The following MAP4K3 variants were observed in gnomAD, a reference collection of about 807,000 sequenced individuals.
The protein encoded by MAP4K3 is MAPK/ERK kinase kinase kinase 3.
MAP4K3 carries 94 observed loss-of-function variants against 143.5 expected under a neutral mutation model. That is an observed-to-expected ratio of 0.65 (90% CI 0.55 to 0.78). The LOEUF is 0.78. Among genes scored for constraint, MAP4K3 ranks in the 30% least tolerant of loss-of-function variants. The pLI, the probability that MAP4K3 is intolerant of heterozygous loss-of-function variation, is 0.00. For missense variants in MAP4K3, 1,077 were observed against 1,068.1 expected (o/e 1.01, Z -0.12); for synonymous variants, 416 against 347.2 (o/e 1.20, Z -2.20).
intron 1 of MAP4K3, among the ~76,000 whole-genome samples, chr2:39,378,697 C>G (rs1666284389): frequency 1.3e-5 from 2 of 152,178 alleles, no homozygotes; most frequent in East Asian, 3.9e-4. Context: ...AACAGGCCCC[C>G]TGCATCCTTT....
chr2:39,297,793 G>A (rs1682344174), intron 16 of MAP4K3, among the ~76,000 whole-genome samples: 2 of 152,140 alleles, frequency 1.3e-5, no homozygotes, highest in Non-Finnish European at 2.9e-5. Context: ...CAGCCAAAGA[G>A]CAAACTTTTG....
chr2:39,315,458 C>A, intron 12 of MAP4K3, 70 bp from the exon 13 acceptor site: 5 of 1,013,776 alleles, frequency 4.9e-6, no homozygotes, highest in South Asian at 3.1e-5. Context: ...ACAAAATTAC[C>A]CAAATAGGAA....
intron 2 of MAP4K3, among the ~76,000 whole-genome samples, chr2:39,360,533 C>G (rs1171031458): frequency 6.6e-6 from 1 of 152,190 alleles, no homozygotes; most frequent in Non-Finnish European, 1.5e-5. Context: ...GGTATCTTTA[C>G]AGCAGCACCC....
intron 4 of MAP4K3, among the ~76,000 whole-genome samples, chr2:39,338,087 A>C (rs1665026194): frequency 1.3e-5 from 2 of 151,952 alleles, no homozygotes; most frequent in Admixed American, 6.6e-5. Flanking sequence ...TAAAAATCTG[A>C]TTTGCTCATT....
At chr2:39,386,133 C>A (rs1474322196) in intron 1 of MAP4K3, among the ~76,000 whole-genome samples, 1 of 152,122 alleles carries the variant, frequency 6.6e-6, no homozygotes, top group Non-Finnish European at 1.5e-5. Flanking sequence ...TGGCCCTAAT[C>A]CAACAAGACT....
At chr2:39,273,930 CAGTACGTGTTATCAA>C (rs200161995) in intron 24 of MAP4K3, among the ~76,000 whole-genome samples, 4,303 of 152,252 alleles carry the variant, frequency 0.028, 68 homozygotes, top group African/African-American at 0.037. Context: ...GACCACATAT[CAGTACGTGTTATCAA>C]AGTAGCAAGA....
At chr2:39,329,053 T>C (rs1683599845) in intron 8 of MAP4K3, among the ~76,000 whole-genome samples, 1 of 152,168 alleles carries the variant, frequency 6.6e-6, no homozygotes. Context: ...AGGGAGAGTG[T>C]TCCCAAAATT....
chr2:39,336,858 C>A, intron 6 of MAP4K3, 62 bp downstream of exon 6: 1 of 711,326 alleles, frequency 1.4e-6, no homozygotes, highest in Non-Finnish European at 2.2e-6. Context: ...TTGCTCAAAA[C>A]AATTTGATCA....
chr2:39,292,072 A>G (rs770624222), intron 18 of MAP4K3, among the ~76,000 whole-genome samples: 4 of 152,238 alleles, frequency 2.6e-5, no homozygotes, highest in Non-Finnish European at 2.9e-5. Context: ...TGCATACATA[A>G]TAGTAAAAAT....
intron 2 of MAP4K3, among the ~76,000 whole-genome samples, chr2:39,377,723 T>C (rs1666256645): frequency 6.6e-6 from 1 of 152,088 alleles, no homozygotes; most frequent in Non-Finnish European, 1.5e-5. Context: ...AAATTTCAGT[T>C]CTGTTTTTTC....
intron 2 of MAP4K3, among the ~76,000 whole-genome samples, chr2:39,360,620 T>C (rs1231160973): frequency 6.6e-6 from 1 of 152,124 alleles, no homozygotes; most frequent in Non-Finnish European, 1.5e-5. Flanking sequence ...GGGTAATTTA[T>C]AAAGGAAAAG....
intron 2 of MAP4K3, among the ~76,000 whole-genome samples, chr2:39,358,885 AACT>A (rs1665685711): frequency 1.3e-5 from 2 of 152,104 alleles, no homozygotes; most frequent in East Asian, 1.9e-4. Context: ...GGATTATGGG[AACT>A]ACAATTCAAG....
At chr2:39,319,146 G>A (rs895901792) in intron 12 of MAP4K3, among the ~76,000 whole-genome samples, 1 of 151,994 alleles carries the variant, frequency 6.6e-6, no homozygotes, top group Non-Finnish European at 1.5e-5. Context: ...ACTCCTACAA[G>A]CAAATGCCAA....
intron 21 of MAP4K3, 114 bp downstream of exon 21, chr2:39,286,738 A>T: frequency 2.2e-6 from 1 of 444,486 alleles, no homozygotes; most frequent in Non-Finnish European, 3.9e-6. Context: ...AAATATCAAT[A>T]TAGTAATTGT....
chr2:39,326,126 T>G lies in MAP4K3; in HGVS notation c.662+20A>C. ...GATAAAAACCTTAAGCGTAAGATTC[T>G]TCAATGATGATGCACTGACCTCATT... On this transcript the variant is annotated intron_variant, in intron 9 of 33. Transcript: ENST00000263881. The G allele has an allele frequency of 6.2e-7, 1 of 1,605,410 alleles. No homozygotes were observed. Among genetic ancestry groups the G allele is most frequent in the East Asian group, 2.2e-5 (1 of 44,784 alleles).
chr2:39,300,769 G>C (rs1354297144), intron 15 of MAP4K3, among the ~76,000 whole-genome samples: 1 of 152,196 alleles, frequency 6.6e-6, no homozygotes, highest in African/African-American at 2.4e-5. Flanking sequence ...ATTATCTGCA[G>C]CTTTCTCTAA....
intron 1 of MAP4K3, among the ~76,000 whole-genome samples, chr2:39,419,023 C>T (rs568776486): frequency 1.4e-4 from 22 of 152,172 alleles, no homozygotes; most frequent in African/African-American, 4.1e-4. Flanking sequence ...TAACAAAAAA[C>T]GAAACTGGGT....
At chr2:39,332,193 A>G (rs757646367) in intron 7 of MAP4K3, among the ~76,000 whole-genome samples, 90 of 152,120 alleles carry the variant, frequency 5.9e-4, no homozygotes, top group Non-Finnish European at 6.3e-4. Context: ...TCACAGCCAA[A>G]TAAGATTCCC....
intron 12 of MAP4K3, among the ~76,000 whole-genome samples, chr2:39,317,730 GTTA>G (rs1683164715): frequency 6.6e-6 from 1 of 152,044 alleles, no homozygotes; most frequent in African/African-American, 2.4e-5. Flanking sequence ...AGCCAGAATG[GTTA>G]TTATTGAAAA....
Sources: gnomAD v4.1 joint callset for allele counts (sites outside exome capture counted in the v4.1 genomes callset) on GRCh38, gnomAD v4.1.1 for gene constraint, MANE v1.5 for transcripts, NCBI Gene and HGNC (gene_info 2026-07-23, HGNC 2026-07-21) for gene names.